ADAM20: variants seen among roughly 807,000 people sequenced by gnomAD.
The protein encoded by ADAM20 is disintegrin and metalloproteinase domain-containing protein 20.
For synonymous variants in ADAM20, 305 were observed against 310.2 expected, an observed-to-expected ratio of 0.98 and a Z score of 0.18; for missense variants, 871 against 883.2, an observed-to-expected ratio of 0.99 and a Z score of 0.18.
the ADAM20 span, among the ~76,000 whole-genome samples, chr14:70,560,188 C>T: frequency 6.6e-6 from 1 of 152,094 alleles, no homozygotes; most frequent in Non-Finnish European, 1.5e-5. Context: ...CCTGGAATAA[C>T]TGTTTGTCAA....
chr14:70,555,263 C>T, the ADAM20 span, among the ~76,000 whole-genome samples: 2 of 151,700 alleles, frequency 1.3e-5, no homozygotes, highest in Non-Finnish European at 2.9e-5. Flanking sequence ...CTGATGTGTT[C>T]GCACCACAAA....
upstream of ADAM20, among the ~76,000 whole-genome samples, chr14:70,538,553 A>G (rs1160071955): frequency 3.3e-5 from 5 of 152,184 alleles, no homozygotes; most frequent in South Asian, 8.3e-4. Context: ...TTCCCAGTTA[A>G]CTGAATTACT....
At chr14:70,529,023 C>T (rs1883652695) in intron 1 of ADAM20, among the ~76,000 whole-genome samples, 1 of 152,034 alleles carries the variant, frequency 6.6e-6, no homozygotes, top group South Asian at 2.1e-4. Flanking sequence ...CATTGGAGAA[C>T]CCAAATGTAT....
chr14:70,522,660 G>T lies in ADAM20; in HGVS notation c.2098C>A (p.Leu700Ile). ...KLRYLSLLCL[L>I]PLVAFLLFCL... ...AATAATAAAAAAGCAACCAAAGGAA[G>T]AAGGCACAATAGTGACAGGTAACGC... The change falls in exon 2 of 2, where the codon CTT becomes ATT. Residue 700 changes from leucine to isoleucine, a missense_variant. Coordinates refer to ENST00000256389, the MANE Select transcript of ADAM20 (RefSeq NM_003814.5). 6.2e-7 allele frequency: 1 copy of T among 1,613,932 alleles called. No homozygotes were observed. Among genetic ancestry groups the T allele is most frequent in the Non-Finnish European group, 8.5e-7 (1 of 1,179,900 alleles).
the ADAM20 span, among the ~76,000 whole-genome samples, chr14:70,553,309 T>TAAAAA: frequency 5.4e-3 from 92 of 17,114 alleles, no homozygotes; most frequent in African/African-American, 5.8e-3. Context: ...TAGAGTATAA[T>TAAAAA]AAAAAAAAAA....
At chr14:70,579,340 A>AAC in the ADAM20 span, among the ~76,000 whole-genome samples, 75 of 152,252 alleles carry the variant, frequency 4.9e-4, no homozygotes, top group African/African-American at 1.7e-3. Context: ...CATCCTTGCC[A>AAC]ACATCTGTTT....
intron 1 of ADAM20, among the ~76,000 whole-genome samples, chr14:70,527,107 T>G (rs1883606861): frequency 6.6e-6 from 1 of 152,218 alleles, no homozygotes; most frequent in South Asian, 2.1e-4. Flanking sequence ...GCTAAATTTC[T>G]TATTGTGGGT....
chr14:70,538,002 G>C (rs536649554), upstream of ADAM20, among the ~76,000 whole-genome samples: 2 of 152,036 alleles, frequency 1.3e-5, no homozygotes, highest in East Asian at 3.9e-4. Flanking sequence ...CCCTCCCTGG[G>C]TCTCTCCTTC....
chr14:70,555,332 C>A, the ADAM20 span, among the ~76,000 whole-genome samples: 1 of 152,154 alleles, frequency 6.6e-6, no homozygotes, highest in African/African-American at 2.4e-5. Context: ...ATTAGCTTGA[C>A]TGTGGTGATT....
chr14:70,576,898 G>T, the ADAM20 span, among the ~76,000 whole-genome samples: 1 of 152,176 alleles, frequency 6.6e-6, no homozygotes, highest in African/African-American at 2.4e-5. Context: ...ACAGAAGGGG[G>T]ATTCACAACC....
chr14:70,529,274 C>T (rs1566657668), intron 1 of ADAM20, among the ~76,000 whole-genome samples: 1 of 152,146 alleles, frequency 6.6e-6, no homozygotes, highest in Admixed American at 6.5e-5. Context: ...GGATAGTTCA[C>T]ATATTAGGTC....
chr14:70,570,440 A>G, the ADAM20 span, among the ~76,000 whole-genome samples: 1 of 152,160 alleles, frequency 6.6e-6, no homozygotes, highest in African/African-American at 2.4e-5. Context: ...TAAAGGTGAC[A>G]TTACAACTGA....
In ADAM20 at chr14:70,524,833, T is replaced by C; in HGVS notation, c.-76A>G. 6.2e-7 allele frequency: 1 copy of C among 1,613,208 alleles called. No individual in the cohort carries two copies. The highest frequency in any genetic ancestry group is 8.5e-7 in the Non-Finnish European group (1 of 1,179,894). ...TGTGAGGCACTGCTGGTCTGGCTCC[T>C]CCCTCTGAGCTGTTCAGGGTGCATG... On this transcript the variant is annotated 5_prime_UTR_variant, in exon 2 of 2. Coordinates refer to ENST00000256389, the MANE Select transcript of ADAM20 (RefSeq NM_003814.5).
chr14:70,560,474 T>C, the ADAM20 span, among the ~76,000 whole-genome samples: 2 of 152,132 alleles, frequency 1.3e-5, no homozygotes, highest in African/African-American at 4.8e-5. Flanking sequence ...ACTAAAATTA[T>C]AAAACACCTA....
the ADAM20 span, among the ~76,000 whole-genome samples, chr14:70,543,462 G>A: frequency 6.6e-6 from 1 of 152,050 alleles, no homozygotes; most frequent in Non-Finnish European, 1.5e-5. Context: ...CCTTTTATTG[G>A]GTGAGAAATG....
At chr14:70,539,826 CACTAACCTACCCCTGCCCTCACTAA>C (rs1883908482), upstream of ADAM20, among the ~76,000 whole-genome samples, 1 of 152,208 alleles carries the variant, frequency 6.6e-6, no homozygotes, top group Non-Finnish European at 1.5e-5. Context: ...CTAAATCCTT[CACTAACCTACCCCTGCCCTCACTAA>C]ACTTAATAAT....
Position 70,524,597 on chromosome 14 carries a change from C to T in ADAM20, c.161G>A (p.Gly54Asp). 7 of 1,614,000 alleles carry T rather than the reference C, an allele frequency of 4.3e-6. No homozygotes were observed. The highest frequency in any genetic ancestry group is 5.9e-6 in the Non-Finnish European group (7 of 1,179,964). ...GGAGAGCCATCCAGGAGCCTTTGCACCTCTGCCCCTGCTGATCACCTTCAA... is the reference window on the plus strand; with the variant it reads ...GGAGAGCCATCCAGGAGCCTTTGCATCTCTGCCCCTGCTGATCACCTTCAA... ...IPLKVISRGR[G>D]AKAPGWLSYS... Residue 54 changes from glycine to aspartate, a missense_variant, in exon 2 of 2, where the codon GGT (glycine) becomes GAT (aspartate). Transcript: ENST00000256389.
the ADAM20 span, among the ~76,000 whole-genome samples, chr14:70,573,199 G>A: frequency 7.9e-5 from 12 of 152,102 alleles, no homozygotes; most frequent in Non-Finnish European, 1.8e-4. Context: ...TCTGTCAAAG[G>A]TGGATTGCAT....
upstream of ADAM20, among the ~76,000 whole-genome samples, chr14:70,536,867 C>T (rs964038602): frequency 4.7e-5 from 7 of 150,360 alleles, no homozygotes; most frequent in Non-Finnish European, 8.8e-5. Flanking sequence ...CACACAGAAA[C>T]ATTCCAAGCC....
Sources: gnomAD v4.1 joint callset for allele counts (sites outside exome capture counted in the v4.1 genomes callset) on GRCh38, gnomAD v4.1.1 for gene constraint, MANE v1.5 for transcripts, NCBI Gene and HGNC (gene_info 2026-07-23, HGNC 2026-07-21) for gene names.